The following KIF22 variants were observed in gnomAD, a reference collection of about 807,000 sequenced individuals.
The protein encoded by KIF22 is kinesin-like protein KIF22.
In KIF22, 62 loss-of-function variants were observed where a neutral mutation model predicts 73.0. That is an observed-to-expected ratio of 0.85 (90% CI 0.69 to 1.05). KIF22 has a LOEUF of 1.05. KIF22 is among the 50% of genes least tolerant of loss of function. The pLI is 0.00. For missense variants in KIF22, 854 were observed against 870.1 expected (o/e 0.98, Z 0.23); for synonymous variants, 411 against 340.1 (o/e 1.21, Z -2.29).
At position 29,802,792 on chromosome 16, in the gene KIF22, T is replaced by A. The variant is rs775013851; in HGVS notation, c.1304T>A (p.Met435Lys). The change falls in exon 9 of 14, where the codon ATG becomes AAG. Residue 435 changes from methionine to lysine, a missense_variant. By Grantham distance (95) the Met-to-Lys change is moderately conservative (BLOSUM62 -1). Transcript: ENST00000160827. ...KLSPLQKLSS[M>K]DPAMLERLLS... ...AGCCCCCTACAGAAGCTAAGCAGCATGGACCCGGCCATGCTGGAGCGCCTC... is the reference window on the plus strand; with the variant it reads ...AGCCCCCTACAGAAGCTAAGCAGCAAGGACCCGGCCATGCTGGAGCGCCTC... 5 of 1,594,114 alleles carry A rather than the reference T, an allele frequency of 3.1e-6. No homozygotes were observed. The highest frequency in any genetic ancestry group is 2.7e-5 in the African/African-American group (2 of 73,402).
chr16:29,798,824 T>G lies in KIF22; in HGVS notation c.549+77T>G. Reference sequence around the variant, plus strand: ...CTGGTTCTAGAACATGAAGCTCTGCTGTAGCAGGGAGGTAAGGTGAGACCT... The same window carrying G: ...CTGGTTCTAGAACATGAAGCTCTGCGGTAGCAGGGAGGTAAGGTGAGACCT... On this transcript the variant is annotated intron_variant, in intron 4 of 13. Transcript: ENST00000160827. The surrounding 1 kb of genome is among the most constrained non-coding windows in gnomAD (Gnocchi z 4.1). The G allele has an allele frequency of 6.3e-7, 1 of 1,575,022 alleles. No homozygotes were observed. Among genetic ancestry groups the G allele is most frequent in the Non-Finnish European group, 8.6e-7 (1 of 1,156,848 alleles).
rs149832588 is a variant in KIF22 at position 29,802,341 on chromosome 16, G to A, written c.1281-428G>A. 2.7e-3 allele frequency among the ~76,000 whole-genome samples: 409 copies of A among 151,004 alleles called. 1 individual carries two copies. The highest frequency in any genetic ancestry group is 9.3e-3 in the African/African-American group (383 of 41,050). ...AGAGTCAGTCAGGACTGCTTGAACA[G>A]GCCTTCCCAGCTGCCCACAGCAGGG... On this transcript the variant is annotated intron_variant, in intron 8 of 13. Transcript: ENST00000160827.
chr16:29,790,754 A>G lies in KIF22; in HGVS notation c.-6A>G. The G allele has an allele frequency of 6.3e-7, 1 of 1,585,622 alleles. No homozygotes were observed. The highest frequency in any genetic ancestry group is 1.1e-5 in the South Asian group (1 of 87,596). The stretch of plus-strand genomic sequence containing the variant: ...ATGGGAGAGGCGGGCCCAAGGAGGG[A>G]GTGGAATGGCCGCGGGCGGCTCGAC... On this transcript the variant is annotated 5_prime_UTR_variant, in exon 1 of 14. Coordinates refer to ENST00000160827, the MANE Select transcript of KIF22 (RefSeq NM_007317.3).
rs1156523067 is a variant in KIF22, at chr16:29,804,831, C to T, written c.1695C>T (p.Ala565=). The T allele has an allele frequency of 1.9e-6, 3 of 1,611,366 alleles. No individual in the cohort carries two copies. Among genetic ancestry groups the T allele is most frequent in the Non-Finnish European group, 2.5e-6 (3 of 1,178,996 alleles). ...GRKRKLESLD[A]LEPEEKAEDC... ...CCTCCCAGCTGGAGTCCCTGGATGC[C>T]CTAGAGCCTGAGGAGAAGGCTGAGG... Residue 565 remains alanine (A), a synonymous_variant, in exon 12 of 14, where the codon GCC becomes GCT. Transcript: ENST00000160827.
In KIF22 at chr16:29,804,958, C is replaced by A. The variant is rs1228685726; in HGVS notation, c.1822C>A (p.Gln608Lys). The A allele has an allele frequency of 2.5e-6, 4 of 1,612,972 alleles. No homozygotes were observed. Among genetic ancestry groups the A allele is most frequent in the Non-Finnish European group, 3.4e-6 (4 of 1,179,726 alleles). The stretch of plus-strand genomic sequence containing the variant: ...CTCAGCCCGAGATCTCCGCAGTCTT[C>A]AGCGCATTGGCCCGAAGAAGGCCCA... ...EGSARDLRSL[Q>K]RIGPKKAQLI... Residue 608 changes from glutamine (Q) to lysine (K), a missense_variant, in exon 12 of 14, where the codon CAG becomes AAG. Physicochemically the swap from Gln to Lys is moderately conservative, Grantham distance 53 (BLOSUM62 1). Coordinates refer to ENST00000160827, the MANE Select transcript of KIF22 (RefSeq NM_007317.3).
At chr16:29,802,388 C>T (rs973336903) in intron 8 of KIF22, among the ~76,000 whole-genome samples, 1 of 151,714 alleles carries the variant, frequency 6.6e-6, no homozygotes, top group Admixed American at 6.6e-5. Flanking sequence ...CTGAGGTCTT[C>T]GGTGGATTTC....
intron 1 of KIF22, among the ~76,000 whole-genome samples, chr16:29,792,011 C>CT (rs1898832325): frequency 6.6e-6 from 1 of 152,164 alleles, no homozygotes; most frequent in South Asian, 2.1e-4. Context: ...TGTGTATAAA[C>CT]TGAGGGTGTG....
intron 1 of KIF22, chr16:29,791,127 CG>C (rs757531708): frequency 7.9e-5 from 106 of 1,340,116 alleles, no homozygotes; most frequent in Non-Finnish European, 9.9e-5. Context: ...GTCTGTGAAA[CG>C]GGGGTCATGG....
rs751962832 is a variant in KIF22, at chr16:29,805,251, C to T, written c.1951-12C>T. 5.6e-6 allele frequency: 9 copies of T among 1,595,276 alleles called. No homozygotes were observed. Among genetic ancestry groups the T allele is most frequent in the South Asian group, 2.2e-5 (2 of 91,000 alleles). On this transcript the variant is annotated splice_polypyrimidine_tract_variant and intron_variant, in intron 13 of 13. Coordinates refer to ENST00000160827, the MANE Select transcript of KIF22 (RefSeq NM_007317.3). The stretch of plus-strand genomic sequence containing the variant: ...CTCTAACGTCGCTGTCTCCCTCCCT[C>T]CTGTGTTGCAGGCAAACATCCTGGG...
intron 11 of KIF22, 170 bp from the exon 12 acceptor site, chr16:29,804,644 T>C: frequency 1.4e-6 from 1 of 703,346 alleles, no homozygotes; most frequent in Middle Eastern, 2.3e-4. Flanking sequence ...ACTAGTTGCA[T>C]AATAAGAATT....
chr16:29,797,008 T>TC lies in KIF22; in HGVS notation c.192dup (p.Cys65LeufsTer14). 6.2e-7 allele frequency: 1 copy of TC among 1,613,858 alleles called. No homozygotes were observed. Among genetic ancestry groups the TC allele is most frequent in the Non-Finnish European group, 8.5e-7 (1 of 1,179,886 alleles). On this transcript the variant is annotated frameshift_variant, in exon 2 of 14. Coordinates refer to ENST00000160827, the MANE Select transcript of KIF22 (RefSeq NM_007317.3). LOFTEE classifies it high-confidence loss of function. The surrounding 1 kb of genome is among the most constrained non-coding windows in gnomAD (Gnocchi z 4.1). ...TGGATGGAACAGCGGGAGCAAGTGA[T>TC]CCCCCCTGTGTGCGGGGCATGGACA... is the stretch of plus-strand genomic sequence containing the variant.
chr16:29,799,094 G>A lies in KIF22; in HGVS notation c.669G>A (p.Arg223=), dbSNP rs778704987. ...KPISSFADFE[R]HFLPASRNRT... is the part of the protein sequence containing the mutation. ...TCAGTAGCTTTGCTGATTTTGAGCG[G>A]CACTTCCTGCCAGCCAGTCGAAATC... The change falls in exon 5 of 14, where the codon CGG becomes CGA. Residue 223 remains arginine (R), a synonymous_variant. Transcript: ENST00000160827. 2 of 1,614,130 alleles carry A rather than the reference G, an allele frequency of 1.2e-6. No homozygotes were observed. Among genetic ancestry groups the A allele is most frequent in the East Asian group, 4.5e-5 (2 of 44,886 alleles).
At position 29,796,883 on chromosome 16, in the gene KIF22, T is replaced by C. The variant is rs1296430510; in HGVS notation, c.71-10T>C. ...TACTTCATGTCTAAAAGTGATCTTC[T>C]CTCCTCCAGGAGCTGGTCGCTGTCG... On this transcript the variant is annotated splice_polypyrimidine_tract_variant and intron_variant, in intron 1 of 13. Transcript: ENST00000160827. The C allele has an allele frequency of 1.2e-6, 2 of 1,613,562 alleles. No homozygotes were observed. The highest frequency in any genetic ancestry group is 1.1e-5 in the South Asian group (1 of 91,072).
chr16:29,796,179 G>T (rs528592261), intron 1 of KIF22, among the ~76,000 whole-genome samples: 1 of 150,978 alleles, frequency 6.6e-6, no homozygotes, highest in South Asian at 2.1e-4. Context: ...GCTGAGGTGG[G>T]AGGATCGCTT....
At position 29,798,773 on chromosome 16, in the gene KIF22, G is replaced by C; in HGVS notation, c.549+26G>C. ...GTGAGGCCCCGTGCTGGTTGGGAGAGGAGCAACAAAGGGTCAAAGTAAGAC... is the reference window on the plus strand; with the variant it reads ...GTGAGGCCCCGTGCTGGTTGGGAGACGAGCAACAAAGGGTCAAAGTAAGAC... On this transcript the variant is annotated intron_variant, in intron 4 of 13. Coordinates refer to ENST00000160827, the MANE Select transcript of KIF22 (RefSeq NM_007317.3). This position sits in a 1 kb window ranked among gnomAD's most constrained non-coding sequence, Gnocchi z 4.1. 1 of 1,608,466 alleles carries C rather than the reference G, an allele frequency of 6.2e-7. No homozygotes were observed. The highest frequency in any genetic ancestry group is 8.5e-7 in the Non-Finnish European group (1 of 1,177,114).
chr16:29,802,997 A>T, intron 9 of KIF22, 60 bp downstream of exon 9: 1 of 1,532,768 alleles, frequency 6.5e-7, no homozygotes, highest in South Asian at 1.2e-5. Flanking sequence ...CAATCCTTGG[A>T]TCTTCAGACA....
Position 29,804,863 on chromosome 16 carries a change from G to A in KIF22, c.1727G>A (p.Trp576Ter). Reference sequence around the variant, plus strand: ...CCTGAGGAGAAGGCTGAGGACTGCTGGGAGCTACAGATCAGCCCGGAGCTA... The same window carrying A: ...CCTGAGGAGAAGGCTGAGGACTGCTAGGAGCTACAGATCAGCCCGGAGCTA... ...LEPEEKAEDC[W>*]ELQISPELLA... Residue 576 changes from tryptophan (W) to a stop codon, truncating the protein, a stop_gained, in exon 12 of 14, where the codon TGG (tryptophan) becomes TAG (stop). Coordinates refer to ENST00000160827, the MANE Select transcript of KIF22 (RefSeq NM_007317.3). LOFTEE classifies it high-confidence loss of function. 2 of 1,613,722 alleles carry A rather than the reference G, an allele frequency of 1.2e-6. No individual in the cohort carries two copies. The highest frequency in any genetic ancestry group is 1.7e-6 in the Non-Finnish European group (2 of 1,179,896).
Position 29,799,941 on chromosome 16 carries a change from A to G in KIF22, c.1173A>G (p.Lys391=), listed in dbSNP as rs1378725221. 3.1e-6 allele frequency: 5 copies of G among 1,614,096 alleles called. No homozygotes were observed. Among genetic ancestry groups the G allele is most frequent in the Admixed American group, 1.7e-5 (1 of 60,006 alleles). Residue 391 remains lysine, a synonymous_variant, in exon 8 of 14, where the codon AAA becomes AAG. Transcript: ENST00000160827. ...TGGGACCTGTTAAGCTGTCTCAGAA[A>G]GAATTGCTTGGTCCACCAGAGGCAA... is the stretch of plus-strand genomic sequence containing the variant. ...HALGPVKLSQ[K]ELLGPPEAKR...
chr16:29,791,981 A>C (rs936184107), intron 1 of KIF22, among the ~76,000 whole-genome samples: 6 of 152,240 alleles, frequency 3.9e-5, no homozygotes, highest in African/African-American at 7.2e-5. Context: ...CGTAGATGTA[A>C]TACGAAACAC....
Sources: gnomAD v4.1 joint callset for allele counts (sites outside exome capture counted in the v4.1 genomes callset) on GRCh38, gnomAD v4.1.1 for gene constraint, Gnocchi (gnomAD v3.1) non-coding constraint, MANE v1.5 for transcripts, NCBI Gene and HGNC (gene_info 2026-07-23, HGNC 2026-07-21) for gene names.